The following ANKRD31 variants were observed in gnomAD, a reference collection of about 807,000 sequenced individuals.
The protein encoded by ANKRD31 is ankyrin repeat domain 31.
In ANKRD31, 147 loss-of-function variants were observed where a neutral mutation model predicts 186.0. That is an observed-to-expected ratio of 0.79 (90% confidence interval 0.69 to 0.91). The LOEUF is 0.91. Among genes scored for constraint, ANKRD31 ranks in the 40% least tolerant of loss-of-function variants. The pLI is 0.00. For synonymous variants in ANKRD31, 673 were observed against 736.4 expected (o/e 0.91, Z 1.39); for missense variants, 1,986 against 2,148.8 (o/e 0.92, Z 1.50).
intron 23 of ANKRD31, among the ~76,000 whole-genome samples, chr5:75,087,643 A>G (rs763824554): frequency 2.0e-5 from 3 of 152,236 alleles, no homozygotes; most frequent in African/African-American, 4.8e-5. Flanking sequence ...AGAAAGAATA[A>G]TTGCTTTTTA....
chr5:75,100,791 T>G (rs1746788762), intron 22 of ANKRD31, among the ~76,000 whole-genome samples: 1 of 152,184 alleles, frequency 6.6e-6, no homozygotes, highest in Non-Finnish European at 1.5e-5. Flanking sequence ...TCTTCCTCCA[T>G]CCCTTTATTT....
At chr5:75,206,921 C>T (rs1427474311) in intron 4 of ANKRD31, among the ~76,000 whole-genome samples, 5 of 152,144 alleles carry the variant, frequency 3.3e-5, no homozygotes, top group African/African-American at 1.2e-4. Context: ...CATTACTTAT[C>T]ATTCTTGTAT....
chr5:75,230,727 G>A (rs570580584), intron 1 of ANKRD31, 92 bp from the exon 2 acceptor site: 1 of 909,652 alleles, frequency 1.1e-6, no homozygotes, highest in East Asian at 2.8e-5. Context: ...ACCAAAACTT[G>A]CTAAAATTCT....
chr5:75,144,356 T>C (rs532788406), intron 14 of ANKRD31, among the ~76,000 whole-genome samples, 185 bp from the exon 15 acceptor site: 2 of 152,244 alleles, frequency 1.3e-5, no homozygotes, highest in Admixed American at 1.3e-4. Context: ...GATGGGAATA[T>C]AGTAGATAGT....
At chr5:75,207,712 T>C (rs1473425587) in intron 4 of ANKRD31, among the ~76,000 whole-genome samples, 2 of 152,078 alleles carry the variant, frequency 1.3e-5, no homozygotes, top group Non-Finnish European at 2.9e-5. Flanking sequence ...AAAACAAAAA[T>C]ATAAATAAAG....
intron 5 of ANKRD31, among the ~76,000 whole-genome samples, chr5:75,202,765 T>G (rs1297348441): frequency 6.6e-6 from 1 of 152,168 alleles, no homozygotes; most frequent in Non-Finnish European, 1.5e-5. Flanking sequence ...ACCTATAGTC[T>G]GGAATTATAA....
chr5:75,107,469 G>T, intron 21 of ANKRD31, 52 bp downstream of exon 21: 2 of 1,254,202 alleles, frequency 1.6e-6, no homozygotes, highest in East Asian at 2.5e-5. Context: ...AGCTAAAAAT[G>T]GATAAATTCT....
chr5:75,105,275 C>A, intron 21 of ANKRD31, 57 bp from the exon 22 acceptor site: 2 of 1,406,020 alleles, frequency 1.4e-6, no homozygotes, highest in Middle Eastern at 2.5e-4. Flanking sequence ...CTTTTCAAAG[C>A]GGTCACTTAG....
At chr5:75,095,235 T>C (rs1434071079) in intron 22 of ANKRD31, among the ~76,000 whole-genome samples, 2 of 152,052 alleles carry the variant, frequency 1.3e-5, no homozygotes, top group South Asian at 4.1e-4. Context: ...TTTGGGAGGC[T>C]GAGGCAGGTG....
intron 17 of ANKRD31, among the ~76,000 whole-genome samples, chr5:75,121,819 GGGA>G (rs1748815250): frequency 6.6e-6 from 1 of 152,078 alleles, no homozygotes; most frequent in African/African-American, 2.4e-5. Context: ...AGCGCTAAGA[GGGA>G]GGTTTATAGC....
At chr5:75,116,082 A>T (rs919688416) in intron 19 of ANKRD31, among the ~76,000 whole-genome samples, 7 of 151,694 alleles carry the variant, frequency 4.6e-5, no homozygotes, top group Admixed American at 3.3e-4. Context: ...TGCAGCCATA[A>T]AAAAGGATGA....
At chr5:75,122,412 T>A (rs1748867809) in intron 17 of ANKRD31, among the ~76,000 whole-genome samples, 1 of 151,932 alleles carries the variant, frequency 6.6e-6, no homozygotes, top group African/African-American at 2.4e-5. Context: ...GAGAGAATCC[T>A]CCCTAGCTCA....
chr5:75,111,994 G>A (rs1015046745), intron 20 of ANKRD31, among the ~76,000 whole-genome samples: 3 of 152,258 alleles, frequency 2.0e-5, no homozygotes, highest in South Asian at 4.1e-4. Flanking sequence ...CTCATCTCTT[G>A]TCACAATCTT....
intron 5 of ANKRD31, among the ~76,000 whole-genome samples, chr5:75,204,422 A>G (rs1325061130): frequency 6.6e-6 from 1 of 152,134 alleles, no homozygotes; most frequent in East Asian, 1.9e-4. Flanking sequence ...AAACTTCACA[A>G]AGGTTATTTT....
At chr5:75,092,002 C>T (rs75487981) in intron 22 of ANKRD31, among the ~76,000 whole-genome samples, 6,722 of 152,198 alleles carry the variant, frequency 0.044, 351 homozygotes, top group African/African-American at 0.12. Context: ...TCCCCTCCAC[C>T]GAATGCTCAG....
intron 12 of ANKRD31, among the ~76,000 whole-genome samples, chr5:75,149,469 C>CA (rs1751706571): frequency 6.6e-6 from 1 of 151,946 alleles, no homozygotes; most frequent in East Asian, 1.9e-4. Context: ...TTATGAGCTG[C>CA]ATAATGAAGT....
chr5:75,185,888 T>G (rs1173713403), intron 10 of ANKRD31, among the ~76,000 whole-genome samples: 1 of 151,994 alleles, frequency 6.6e-6, no homozygotes, highest in East Asian at 1.9e-4. Flanking sequence ...TAAAAAATGG[T>G]GTCCAATTCC....
At chr5:75,220,087 T>C (rs1757190947) in intron 3 of ANKRD31, among the ~76,000 whole-genome samples, 2 of 152,052 alleles carry the variant, frequency 1.3e-5, no homozygotes, top group African/African-American at 2.4e-5. Context: ...CTGGCAAAGA[T>C]TTGATGAGGA....
chr5:75,141,293 A>G (rs1250006030), intron 15 of ANKRD31, among the ~76,000 whole-genome samples: 1 of 152,154 alleles, frequency 6.6e-6, no homozygotes, highest in Non-Finnish European at 1.5e-5. Flanking sequence ...TGCTCTTTAG[A>G]GATTAGCAAT....
Sources: allele counts gnomAD v4.1 joint callset (sites outside exome capture counted in the v4.1 genomes callset), GRCh38; gene constraint gnomAD v4.1.1; transcripts MANE v1.5; gene names NCBI Gene and HGNC (gene_info 2026-07-23, HGNC 2026-07-21).